Variants in KIAA1217 observed in about 807,000 individuals in gnomAD.
The protein encoded by KIAA1217 is KIAA1217.
In KIAA1217, 88 loss-of-function variants were observed where a neutral mutation model predicts 163.9. The observed-to-expected ratio is 0.54, with a 90% confidence interval of 0.45 to 0.64. The LOEUF is 0.64. Ranked by LOEUF, KIAA1217 falls within the 30% of genes least tolerant of loss-of-function variation. The pLI is 0.00. For missense variants in KIAA1217, 2,372 were observed against 2,475.0 expected (o/e 0.96, Z 0.88); for synonymous variants, 903 against 923.1 (o/e 0.98, Z 0.39).
At chr10:23,737,374 T>TTTTTTTTC (rs71272836) in intron 1 of KIAA1217, among the ~76,000 whole-genome samples, 4 of 151,878 alleles carry the variant, frequency 2.6e-5, no homozygotes, top group African/African-American at 7.3e-5. Context: ...AATTTTTTTT[T>TTTTTTTTC]AGTAGAGACG....
rs2063737737 is a variant in KIAA1217, at chr10:24,473,546, A to G, written c.1165A>G (p.Asn389Asp). 1.2e-6 allele frequency: 2 copies of G among 1,613,960 alleles called. No individual in the cohort carries two copies. Among genetic ancestry groups the G allele is most frequent in the Non-Finnish European group, 8.5e-7 (1 of 1,180,024 alleles). The change falls in exon 6 of 21, where the codon AAT becomes GAT. Residue 389 changes from asparagine to aspartate, a missense_variant. Physicochemically the swap from Asn to Asp is conservative, Grantham distance 23 (BLOSUM62 1). Coordinates refer to ENST00000376454, the MANE Select transcript of KIAA1217 (RefSeq NM_019590.5). Reference protein sequence around the residue: ...MSGKNIAMYRNEGFYADPYLY... With the variant: ...MSGKNIAMYRDEGFYADPYLY... ...TGGCAAAAACATTGCAATGTACAGA[A>G]ATGAGGGTTTCTATGCTGATCCTTA... is the stretch of plus-strand genomic sequence containing the variant.
At chr10:23,767,028 G>A (rs1205482611) in intron 1 of KIAA1217, among the ~76,000 whole-genome samples, 1 of 152,206 alleles carries the variant, frequency 6.6e-6, no homozygotes, top group Non-Finnish European at 1.5e-5. Flanking sequence ...TTTTGGATTA[G>A]CTGGGTTATG....
chr10:24,513,512 C>T, intron 10 of KIAA1217, 78 bp downstream of exon 10: 1 of 1,422,256 alleles, frequency 7.0e-7, no homozygotes. Context: ...AGGTCCTTCC[C>T]AGTTGGTGGT....
chr10:23,765,187 CTTTTTTT>C (rs67342339), intron 1 of KIAA1217, among the ~76,000 whole-genome samples: 41 of 75,364 alleles, frequency 5.4e-4, no homozygotes, highest in African/African-American at 8.7e-4. Context: ...TTTTTGTTCT[CTTTTTTT>C]TTTTTTTTTT....
In KIAA1217 at chr10:23,853,078, C is replaced by A. The variant is rs1839441340; in HGVS notation, c.-320-154147C>A. Among the ~76,000 whole-genome samples the A allele has an allele frequency of 3.3e-5, 5 of 152,168 alleles. No individual in the cohort carries two copies. In the South Asian group the frequency reaches 1.0e-3, roughly 31 times the overall value. ...GACTAGGAGTGGTGAGAGAGGGCAT[C>A]CCTGTCTTGTGCCAGTTTTCAAAGG... is the stretch of plus-strand genomic sequence containing the variant. On this transcript the variant is annotated intron_variant, in intron 1 of 18. Transcript: ENST00000376462.
chr10:23,937,320 G>T (rs1405991725), intron 1 of KIAA1217, among the ~76,000 whole-genome samples: 1 of 152,110 alleles, frequency 6.6e-6, no homozygotes, highest in Non-Finnish European at 1.5e-5. Context: ...GAGTAGCATG[G>T]GGACACAAAC....
At chr10:24,240,511 A>G (rs909981057) in intron 2 of KIAA1217, among the ~76,000 whole-genome samples, 2 of 152,258 alleles carry the variant, frequency 1.3e-5, no homozygotes, top group African/African-American at 4.8e-5. Flanking sequence ...TACCACAGTT[A>G]TTGCAAAACA....
intron 5 of KIAA1217, among the ~76,000 whole-genome samples, chr10:24,471,677 G>A (rs1222903296): frequency 6.6e-6 from 1 of 152,058 alleles, no homozygotes; most frequent in African/African-American, 2.4e-5. Context: ...GAGGTCAGGA[G>A]TTCAAGACTA....
At chr10:23,953,238 T>C (rs1356946083) in intron 1 of KIAA1217, among the ~76,000 whole-genome samples, 3 of 152,238 alleles carry the variant, frequency 2.0e-5, no homozygotes, top group African/African-American at 7.2e-5. Context: ...TTATGCTTCA[T>C]GAAAAAATTA....
chr10:23,989,543 G>C lies in KIAA1217; in HGVS notation c.-320-17682G>C, dbSNP rs571855491. ...CCTCTGAATATAGAGCAGGTCACCT[G>C]TCACATGAGAGTCTTTAAGATGGAG... On this transcript the variant is annotated intron_variant, in intron 1 of 18. Coordinates refer to the KIAA1217 transcript ENST00000376462. 2.0e-5 allele frequency among the ~76,000 whole-genome samples: 3 copies of C among 152,252 alleles called. No individual in the cohort carries two copies. In the South Asian group the frequency reaches 6.2e-4, roughly 32 times the overall value.
chr10:23,950,521 A>G (rs1210834722), intron 1 of KIAA1217, among the ~76,000 whole-genome samples: 1 of 152,130 alleles, frequency 6.6e-6, no homozygotes, highest in Non-Finnish European at 1.5e-5. Context: ...TTGAGCACGA[A>G]AATTGGGCCG....
intron 2 of KIAA1217, among the ~76,000 whole-genome samples, chr10:24,090,668 A>G (rs1377933290): frequency 6.6e-6 from 1 of 151,676 alleles, no homozygotes; most frequent in African/African-American, 2.4e-5. Flanking sequence ...ATTCCCCAGC[A>G]TAGACCAACT....
At chr10:24,073,966 A>G (rs1323269749) in intron 2 of KIAA1217, among the ~76,000 whole-genome samples, 1 of 152,026 alleles carries the variant, frequency 6.6e-6, no homozygotes, top group African/African-American at 2.4e-5. Context: ...CTGGGGATAC[A>G]TTGTGTACTG....
intron 2 of KIAA1217, chr10:24,158,777 A>C: frequency 2.1e-6 from 1 of 477,794 alleles, no homozygotes; most frequent in South Asian, 1.7e-5. Flanking sequence ...AATGGAGTAC[A>C]TGTCTGGCCG....
Position 24,528,033 on chromosome 10 carries a change from T to G in KIAA1217, c.2996T>G (p.Met999Arg), listed in dbSNP as rs1293465925. The change falls in exon 14 of 21, where the codon ATG (methionine) becomes AGG (arginine). Residue 999 changes from methionine to arginine, a missense_variant. By Grantham distance (91) the Met-to-Arg change is moderately conservative. Transcript: ENST00000376454. ...KLLEEAQANIMKSIPNLEMPP... is the reference protein window; with the variant it reads ...KLLEEAQANIRKSIPNLEMPP... The stretch of plus-strand genomic sequence containing the variant: ...CTAGAAGAAGCTCAGGCCAATATCA[T>G]GAAGTCAATACCAAATCTGGAGATG... 5.0e-6 allele frequency: 8 copies of G among 1,614,112 alleles called. No homozygotes were observed. The highest frequency in any genetic ancestry group is 6.8e-6 in the Non-Finnish European group (8 of 1,180,026).
chr10:24,114,981 T>C (rs2062995473), intron 2 of KIAA1217, among the ~76,000 whole-genome samples: 2 of 152,234 alleles, frequency 1.3e-5, no homozygotes, highest in Admixed American at 1.3e-4. Flanking sequence ...CTTCTCAGCT[T>C]CCGGCATGTG....
intron 2 of KIAA1217, among the ~76,000 whole-genome samples, chr10:24,015,756 AAAAAAAAAAAAG>A (rs1009343421): frequency 2.3e-5 from 2 of 85,796 alleles, no homozygotes; most frequent in African/African-American, 6.8e-5. Context: ...CTCTGACTCA[AAAAAAAAAAAAG>A]AAAAAGAAAA....
At chr10:24,217,666 G>A (rs564440365) in intron 1 of KIAA1217, among the ~76,000 whole-genome samples, 4 of 151,840 alleles carry the variant, frequency 2.6e-5, no homozygotes, top group Non-Finnish European at 5.9e-5. Context: ...CAGGAAACTG[G>A]TTTATGCCTA....
intron 2 of KIAA1217, among the ~76,000 whole-genome samples, chr10:24,368,182 A>C (rs1262662394): frequency 1.3e-5 from 2 of 152,206 alleles, no homozygotes; most frequent in Non-Finnish European, 2.9e-5. Flanking sequence ...CACATTCCTA[A>C]AATTCATGCA....
Sources: gnomAD v4.1 joint callset for allele counts (sites outside exome capture counted in the v4.1 genomes callset) on GRCh38, gnomAD v4.1.1 for gene constraint, MANE v1.5 for transcripts, NCBI Gene and HGNC (gene_info 2026-07-23, HGNC 2026-07-21) for gene names.